The following FHOD3 variants were observed in gnomAD, a reference collection of about 807,000 sequenced individuals.
FHOD3 encodes the protein FH1/FH2 domain-containing protein 3.
FHOD3 carries 90 observed loss-of-function variants against 173.0 expected under a neutral mutation model. The ratio of observed to expected loss-of-function variants is 0.52; its 90% CI spans 0.44 to 0.62. FHOD3 has a LOEUF of 0.62. Among genes scored for constraint, FHOD3 ranks in the 20% least tolerant of loss-of-function variants. The pLI, the probability that FHOD3 is intolerant of heterozygous loss-of-function variation, is 0.00. For synonymous variants in FHOD3, 828 were observed against 823.0 expected (o/e 1.01, Z -0.10); for missense variants, 1,945 against 2,034.7 (o/e 0.96, Z 0.85).
rs995682112 is a variant in FHOD3 at position 36,612,160 on chromosome 18, G to T, written c.957+65G>T. On this transcript the variant is annotated intron_variant, in intron 9 of 28. Transcript: ENST00000590592. Reference sequence around the variant, plus strand: ...GGCAATTGTCAAAGGCTGAGATGGCGCCTACTTTAGACCACGCGTAAAGCG... The same window carrying T: ...GGCAATTGTCAAAGGCTGAGATGGCTCCTACTTTAGACCACGCGTAAAGCG... 9.0e-6 allele frequency: 14 copies of T among 1,551,910 alleles called. No individual in the cohort carries two copies. In the African/African-American group the frequency reaches 1.6e-4, roughly 18 times the overall value.
At chr18:36,305,857 G>A (rs1331155649) in intron 1 of FHOD3, among the ~76,000 whole-genome samples, 1 of 152,110 alleles carries the variant, frequency 6.6e-6, no homozygotes. Flanking sequence ...TATACCAATT[G>A]CATTTTATAT....
chr18:36,754,336 T>C (rs998800068), intron 24 of FHOD3, among the ~76,000 whole-genome samples: 1 of 152,194 alleles, frequency 6.6e-6, no homozygotes, highest in Non-Finnish European at 1.5e-5. Flanking sequence ...TAATGTTGTT[T>C]GTTCCACAGA....
At chr18:36,325,928 G>A (rs913039697) in intron 1 of FHOD3, among the ~76,000 whole-genome samples, 12 of 152,178 alleles carry the variant, frequency 7.9e-5, no homozygotes, top group East Asian at 3.8e-4. Flanking sequence ...GAATCTGAAC[G>A]AGAAGTTTTA....
Position 36,576,451 on chromosome 18 carries a change from C to A in FHOD3, c.512C>A (p.Ala171Asp). Residue 171 changes from alanine (A) to aspartate (D), a missense_variant and splice_region_variant, in exon 6 of 29, where the codon GCT (alanine) becomes GAT (aspartate). Ala to Asp is a moderately radical substitution (Grantham distance 126, BLOSUM62 -2). Coordinates refer to ENST00000590592, the MANE Select transcript of FHOD3 (RefSeq NM_001281740.3). ...DQNYQNYILR[A>D]LGQIMLYVDG... ...CTCCTTTTTCTCTTGTTTTCTGTAG[C>A]TTTGGGCCAGATTATGTTGTATGTG... 6.2e-7 allele frequency: 1 copy of A among 1,610,490 alleles called. No individual in the cohort carries two copies. Among genetic ancestry groups the A allele is most frequent in the Non-Finnish European group, 8.5e-7 (1 of 1,178,380 alleles).
rs562668698 is a variant in FHOD3 at position 36,738,705 on chromosome 18, T to C, written c.3577-1951T>C. Among the ~76,000 whole-genome samples the C allele has an allele frequency of 3.9e-5, 6 of 152,360 alleles. No individual in the cohort carries two copies. The East Asian group carries it at 5.8e-4, about 15-fold the overall frequency. On this transcript the variant is annotated intron_variant, in intron 20 of 28. Transcript: ENST00000590592. ...TGTTGAAAATAATATCCTCTCTCTA[T>C]TGAATTGCCTTGCACCTTTTTCAAA...
At chr18:36,369,280 A>G (rs986566512) in intron 2 of FHOD3, among the ~76,000 whole-genome samples, 1 of 152,158 alleles carries the variant, frequency 6.6e-6, no homozygotes, top group Non-Finnish European at 1.5e-5. Flanking sequence ...GATTTTTAGA[A>G]TCAGTGGTAG....
In FHOD3 at chr18:36,744,050, A is replaced by C. The variant is rs2042034208; in HGVS notation, c.3898A>C (p.Ser1300Arg). 3.1e-6 allele frequency: 5 copies of C among 1,614,206 alleles called. No individual in the cohort carries two copies. The highest frequency in any genetic ancestry group is 3.4e-6 in the Non-Finnish European group (4 of 1,180,044). The change falls in exon 23 of 29, where the codon AGC becomes CGC. Residue 1300 changes from serine to arginine, a missense_variant. By Grantham distance (110) the Ser-to-Arg change is moderately radical. Transcript: ENST00000590592. ...NGTNAKAFEL[S>R]YLEKVPEVKD... ...AAAACAGGCCAAAGCGTTTGAGTTAAGCTACCTCGAGAAGGTTCCAGAAGT... is the reference window on the plus strand; with the variant it reads ...AAAACAGGCCAAAGCGTTTGAGTTACGCTACCTCGAGAAGGTTCCAGAAGT...
intron 5 of FHOD3, among the ~76,000 whole-genome samples, chr18:36,548,023 C>T (rs2057484419): frequency 6.6e-6 from 1 of 152,116 alleles, no homozygotes; most frequent in South Asian, 2.1e-4. Flanking sequence ...GAAACCCTGT[C>T]TCTACTAAAA....
intron 3 of FHOD3, among the ~76,000 whole-genome samples, chr18:36,462,813 G>C (rs1599226378): frequency 6.6e-6 from 1 of 152,150 alleles, no homozygotes; most frequent in Admixed American, 6.5e-5. Context: ...ATTTCATAGA[G>C]ATGGGATCTA....
intron 3 of FHOD3, among the ~76,000 whole-genome samples, chr18:36,446,254 C>T (rs1301798841): frequency 6.6e-6 from 1 of 152,166 alleles, no homozygotes; most frequent in Non-Finnish European, 1.5e-5. Flanking sequence ...TTCCTCAGTG[C>T]ATAAGGGCCC....
At chr18:36,683,456 A>G (rs111756592) in intron 15 of FHOD3, among the ~76,000 whole-genome samples, 4 of 152,162 alleles carry the variant, frequency 2.6e-5, no homozygotes, top group Admixed American at 2.6e-4. Flanking sequence ...GAATGTGTGA[A>G]ACTCTGAAAA....
intron 19 of FHOD3, among the ~76,000 whole-genome samples, chr18:36,724,164 G>A (rs951468470): frequency 6.6e-6 from 1 of 152,224 alleles, no homozygotes; most frequent in African/African-American, 2.4e-5. Context: ...CTCTGCATGG[G>A]CATTTTGCCA....
At chr18:36,510,888 A>G (rs1052528370) in intron 4 of FHOD3, among the ~76,000 whole-genome samples, 1 of 152,080 alleles carries the variant, frequency 6.6e-6, no homozygotes, top group Non-Finnish European at 1.5e-5. Context: ...CCTTCCCCCC[A>G]GGTCAGCTCT....
chr18:36,617,610 T>TGTGTGTGC (rs1555783665), intron 9 of FHOD3, among the ~76,000 whole-genome samples: 4,342 of 146,006 alleles, frequency 0.03, 69 homozygotes, highest in East Asian at 0.055. Flanking sequence ...TGTGTGTGTG[T>TGTGTGTGC]GTGTGTGTGC....
At chr18:36,671,573 A>C (rs971577014) in intron 14 of FHOD3, among the ~76,000 whole-genome samples, 1 of 152,254 alleles carries the variant, frequency 6.6e-6, no homozygotes, top group African/African-American at 2.4e-5. Flanking sequence ...CAGTGTGCCA[A>C]CTTTTACTTT....
intron 3 of FHOD3, among the ~76,000 whole-genome samples, chr18:36,456,891 A>C (rs2052250518): frequency 6.6e-6 from 1 of 152,064 alleles, no homozygotes; most frequent in African/African-American, 2.4e-5. Context: ...GAGAAGAAAA[A>C]CATTGATGTC....
intron 1 of FHOD3, 63 bp downstream of exon 1, chr18:36,298,063 G>A (rs1030288635): frequency 2.2e-6 from 3 of 1,383,260 alleles, no homozygotes; most frequent in Non-Finnish European, 2.8e-6. Context: ...TGCGCGCCGG[G>A]GTGGGTCCCG....
chr18:36,576,681 C>CCTG, intron 6 of FHOD3, 136 bp downstream of exon 6: 1 of 553,412 alleles, frequency 1.8e-6, no homozygotes, highest in East Asian at 3.3e-5. Flanking sequence ...AGGATTACTA[C>CCTG]TCTACAAATT....
intron 3 of FHOD3, among the ~76,000 whole-genome samples, chr18:36,478,207 T>C (rs187711028): frequency 6.6e-6 from 1 of 152,366 alleles, no homozygotes; most frequent in East Asian, 1.9e-4. Flanking sequence ...TTCTGTCACC[T>C]GTGATGTTGG....
Sources: gnomAD v4.1 joint callset for allele counts (sites outside exome capture counted in the v4.1 genomes callset) on GRCh38, gnomAD v4.1.1 for gene constraint, MANE v1.5 for transcripts, NCBI Gene and HGNC (gene_info 2026-07-23, HGNC 2026-07-21) for gene names.